The following KCNH7 variants were observed in gnomAD, a reference collection of about 807,000 sequenced individuals.
KCNH7 encodes potassium voltage-gated channel subfamily H member 7.
Under a neutral mutation model 120.8 loss-of-function variants are expected in KCNH7, and 49 were observed. The ratio of observed to expected loss-of-function variants is 0.41; its 90% confidence interval spans 0.32 to 0.51. The LOEUF is 0.51. Ranked by LOEUF, KCNH7 falls within the 20% of genes least tolerant of loss-of-function variation. The probability of loss-of-function intolerance (pLI) is 0.38; values close to 1 mark genes in which losing one functional copy is unlikely to be tolerated. For synonymous variants in KCNH7, 547 were observed against 516.1 expected, an observed-to-expected ratio of 1.06 and a Z score of -0.81; for missense variants, 1,097 against 1,446.6, an observed-to-expected ratio of 0.76 and a Z score of 3.92.
chr2:162,730,768 A>T (rs1687696051), intron 2 of KCNH7, among the ~76,000 whole-genome samples: 1 of 152,088 alleles, frequency 6.6e-6, no homozygotes. Flanking sequence ...ATCAGCGGGA[A>T]AAAGGAAAAT....
chr2:162,399,641 T>C (rs1687013272), intron 10 of KCNH7, among the ~76,000 whole-genome samples: 1 of 152,028 alleles, frequency 6.6e-6, no homozygotes, highest in African/African-American at 2.4e-5. Context: ...ACTAATTTAA[T>C]CTCTTCATCA....
At chr2:162,707,580 G>A (rs1464315177) in intron 2 of KCNH7, among the ~76,000 whole-genome samples, 1 of 152,116 alleles carries the variant, frequency 6.6e-6, no homozygotes, top group Non-Finnish European at 1.5e-5. Flanking sequence ...CAAAGGTGGT[G>A]TCTGTGAGTG....
At chr2:162,632,279 A>C (rs1377907904) in intron 2 of KCNH7, among the ~76,000 whole-genome samples, 2 of 151,982 alleles carry the variant, frequency 1.3e-5, no homozygotes, top group African/African-American at 4.8e-5. Flanking sequence ...ACAACACAGC[A>C]TAAAATACTT....
chr2:162,665,367 A>T (rs955673705), intron 2 of KCNH7, among the ~76,000 whole-genome samples: 1 of 152,116 alleles, frequency 6.6e-6, no homozygotes, highest in Non-Finnish European at 1.5e-5. Context: ...GATTGTCTAC[A>T]AATAAGAATG....
At chr2:162,465,665 T>C (rs913419634) in intron 6 of KCNH7, among the ~76,000 whole-genome samples, 1 of 152,180 alleles carries the variant, frequency 6.6e-6, no homozygotes, top group African/African-American at 2.4e-5. Context: ...GTGCGCATTG[T>C]ATTCATTGAG....
intron 4 of KCNH7, among the ~76,000 whole-genome samples, chr2:162,516,271 T>C (rs1332362717): frequency 6.6e-6 from 1 of 151,776 alleles, no homozygotes; most frequent in East Asian, 2.0e-4. Context: ...ATGCAATCCA[T>C]GCTACACTAT....
chr2:162,604,587 T>C (rs771052572), intron 2 of KCNH7, among the ~76,000 whole-genome samples: 16 of 152,038 alleles, frequency 1.1e-4, no homozygotes, highest in Non-Finnish European at 1.9e-4. Context: ...GAGCTCTTTG[T>C]TTTCCCCTCT....
intron 2 of KCNH7, among the ~76,000 whole-genome samples, chr2:162,594,242 C>G (rs1055923319): frequency 1.5e-5 from 2 of 134,240 alleles, no homozygotes; most frequent in Admixed American, 1.5e-4. Flanking sequence ...AGTATTCCTT[C>G]CTTTGGAACC....
chr2:162,698,203 T>A (rs1365382140), intron 2 of KCNH7, among the ~76,000 whole-genome samples: 1 of 152,162 alleles, frequency 6.6e-6, no homozygotes, highest in Admixed American at 6.6e-5. Flanking sequence ...ATTTTATACA[T>A]ATGAATGAAA....
At chr2:162,766,017 C>G (rs305682) in intron 2 of KCNH7, among the ~76,000 whole-genome samples, 54,615 of 152,000 alleles carry the variant, frequency 0.36, 10,236 homozygotes, top group African/African-American at 0.47. Flanking sequence ...TCAGCTTCCT[C>G]AGTAGCTGGG....
chr2:162,518,235 C>G, intron 3 of KCNH7, 77 bp from the exon 4 acceptor site: 1 of 1,009,750 alleles, frequency 9.9e-7, no homozygotes, highest in South Asian at 1.6e-5. Flanking sequence ...ATTGTTGACT[C>G]ATATTTAAAC....
intron 2 of KCNH7, among the ~76,000 whole-genome samples, chr2:162,731,437 T>C (rs1041534974): frequency 6.6e-6 from 1 of 151,754 alleles, no homozygotes; most frequent in Non-Finnish European, 1.5e-5. Flanking sequence ...ATAAACAGAA[T>C]ATTGACTAAG....
chr2:162,541,502 T>C (rs1418816209), intron 2 of KCNH7, among the ~76,000 whole-genome samples: 1 of 152,062 alleles, frequency 6.6e-6, no homozygotes, highest in Non-Finnish European at 1.5e-5. Flanking sequence ...CATGGAATAT[T>C]ATGCAGCCAA....
intron 2 of KCNH7, among the ~76,000 whole-genome samples, chr2:162,801,764 C>A (rs1191067238): frequency 6.6e-6 from 1 of 151,626 alleles, no homozygotes; most frequent in Non-Finnish European, 1.5e-5. Context: ...AATAATGAAA[C>A]CCTACACAAG....
At chr2:162,414,264 A>AAT (rs1320579225) in intron 9 of KCNH7, among the ~76,000 whole-genome samples, 1 of 151,982 alleles carries the variant, frequency 6.6e-6, no homozygotes, top group Non-Finnish European at 1.5e-5. Flanking sequence ...CTTATCTGAG[A>AAT]ATCTACCCAT....
chr2:162,411,200 C>T lies in KCNH7; in HGVS notation c.2155-10759G>A, dbSNP rs374477108. Among the ~76,000 whole-genome samples, 16 of 152,068 alleles carry T rather than the reference C, an allele frequency of 1.1e-4. 3 individuals are homozygous for T. The highest frequency in any genetic ancestry group is 9.2e-4 in the Admixed American group (14 of 15,228). Reference sequence around the variant, plus strand: ...CAAAGTAGCAAAGACATGAAACCAACCAATATAAGATGCCTATCAACGGTG... The same window carrying T: ...CAAAGTAGCAAAGACATGAAACCAATCAATATAAGATGCCTATCAACGGTG... On this transcript the variant is annotated intron_variant, in intron 9 of 15. Coordinates refer to ENST00000332142, the MANE Select transcript of KCNH7 (RefSeq NM_033272.4).
intron 2 of KCNH7, among the ~76,000 whole-genome samples, chr2:162,808,785 G>A (rs1476417902): frequency 6.6e-6 from 1 of 151,818 alleles, no homozygotes; most frequent in South Asian, 2.1e-4. Flanking sequence ...TTTTCATAAA[G>A]AAATTTTGGA....
At chr2:162,621,517 C>T (rs543434848) in intron 2 of KCNH7, among the ~76,000 whole-genome samples, 25 of 152,090 alleles carry the variant, frequency 1.6e-4, no homozygotes, top group African/African-American at 4.8e-4. Context: ...AAATAATTTA[C>T]GCTTCATCCA....
At position 162,610,163 on chromosome 2, in the gene KCNH7, A is replaced by T. The variant is rs117930707; in HGVS notation, c.308-73083T>A. On this transcript the variant is annotated intron_variant, in intron 2 of 15. Transcript: ENST00000332142. The stretch of plus-strand genomic sequence containing the variant: ...AGAGAATGTGGTATATTCATTCAAC[A>T]TCATATTGGGGCATTGTTCTTAACT... Among the ~76,000 whole-genome samples, 704 of 152,334 alleles carry T rather than the reference A, an allele frequency of 4.6e-3. 14 individuals carry two copies. In the East Asian group the frequency reaches 0.066, roughly 14 times the overall value.
Sources: gnomAD v4.1 joint callset for allele counts (sites outside exome capture counted in the v4.1 genomes callset) on GRCh38, gnomAD v4.1.1 for gene constraint, MANE v1.5 for transcripts, NCBI Gene and HGNC (gene_info 2026-07-23, HGNC 2026-07-21) for gene names.